The following CNTNAP4 variants were observed in gnomAD, a reference collection of about 807,000 sequenced individuals.
CNTNAP4 encodes the protein contactin associated protein family member 4, also known as contactin-associated protein-like 4.
Under a neutral mutation model 148.4 loss-of-function variants are expected in CNTNAP4, and 98 were observed. That is an observed-to-expected ratio of 0.66 (90% confidence interval 0.56 to 0.78). The LOEUF is 0.78. Among genes scored for constraint, CNTNAP4 ranks in the 30% least tolerant of loss-of-function variants. The probability of loss-of-function intolerance (pLI) is 0.00; values close to 1 mark genes in which losing one functional copy is unlikely to be tolerated. For synonymous variants in CNTNAP4, 730 were observed against 565.1 expected (o/e 1.29, Z -4.14); for missense variants, 1,935 against 1,565.6 (o/e 1.24, Z -3.98).
At chr16:76,277,797 A>G (rs545433344) in intron 1 of CNTNAP4, 50 bp downstream of exon 1, 3 of 1,129,482 alleles carry the variant, frequency 2.7e-6, no homozygotes, top group South Asian at 2.6e-5. Flanking sequence ...TCTCTGCAAA[A>G]CTTTGATTCT....
chr16:76,547,606 AT>A (rs901174283), intron 21 of CNTNAP4, among the ~76,000 whole-genome samples: 5 of 152,332 alleles, frequency 3.3e-5, no homozygotes, highest in African/African-American at 1.2e-4. Context: ...TCCAAAACTC[AT>A]TGTAAATTTC....
intron 2 of CNTNAP4, among the ~76,000 whole-genome samples, chr16:76,336,581 A>G (rs879732640): frequency 2.4e-4 from 37 of 152,372 alleles, no homozygotes; most frequent in Non-Finnish European, 1.0e-4. Flanking sequence ...AAAGACCTGA[A>G]CCAGGTTGCC....
intron 3 of CNTNAP4, among the ~76,000 whole-genome samples, chr16:76,397,025 A>G (rs1157431180): frequency 6.6e-6 from 1 of 152,184 alleles, no homozygotes; most frequent in Non-Finnish European, 1.5e-5. Context: ...AGCAATGGAG[A>G]GGAATTCATA....
intron 13 of CNTNAP4, among the ~76,000 whole-genome samples, chr16:76,492,949 CT>C (rs5817996): frequency 1.4e-3 from 206 of 148,582 alleles, no homozygotes; most frequent in African/African-American, 4.4e-3. Flanking sequence ...TGCTTGCACA[CT>C]TTTTTTTTTT....
intron 1 of CNTNAP4, among the ~76,000 whole-genome samples, chr16:76,312,478 A>G (rs943171297): frequency 1.3e-5 from 2 of 152,172 alleles, no homozygotes; most frequent in Non-Finnish European, 2.9e-5. Flanking sequence ...AATTTAATTT[A>G]TATGTAGAGA....
chr16:76,438,472 A>T (rs1252251289), intron 4 of CNTNAP4, among the ~76,000 whole-genome samples: 2 of 152,100 alleles, frequency 1.3e-5, no homozygotes, highest in South Asian at 4.1e-4. Flanking sequence ...TTAAAAAGGG[A>T]AGAAAGAAAT....
At chr16:76,287,156 C>G (rs909829318) in intron 1 of CNTNAP4, among the ~76,000 whole-genome samples, 9 of 152,226 alleles carry the variant, frequency 5.9e-5, no homozygotes, top group African/African-American at 2.2e-4. Context: ...GAGGAAAGAA[C>G]TAGGGTACAT....
At chr16:76,336,273 T>C (rs1235281172) in intron 2 of CNTNAP4, among the ~76,000 whole-genome samples, 1 of 152,236 alleles carries the variant, frequency 6.6e-6, no homozygotes, top group Non-Finnish European at 1.5e-5. Context: ...TCTAACTGCT[T>C]TGCTTAAGTA....
rs948992750 is a variant in CNTNAP4, at chr16:76,489,799, C to A, written c.1996C>A (p.Leu666Ile). ...CGAGTATGTGGCCAGCATGGAGCAA[C>A]TTCAGGCCACTATTAACCGTGCAGA... ...FFEYVASMEQ[L>I]QATINRAEHC... Residue 666 changes from leucine to isoleucine, a missense_variant, in exon 13 of 24, where the codon CTT (leucine) becomes ATT (isoleucine). Leu to Ile is a conservative substitution (Grantham distance 5, BLOSUM62 2). Transcript: ENST00000611870. 5 of 1,606,786 alleles carry A rather than the reference C, an allele frequency of 3.1e-6. No homozygotes were observed. Among genetic ancestry groups the A allele is most frequent in the Non-Finnish European group, 4.3e-6 (5 of 1,176,418 alleles).
chr16:76,357,229 T>C (rs2012800183), intron 3 of CNTNAP4, among the ~76,000 whole-genome samples: 1 of 152,220 alleles, frequency 6.6e-6, no homozygotes, highest in African/African-American at 2.4e-5. Flanking sequence ...TATCTTCTGC[T>C]CTTTTTTGAA....
intron 15 of CNTNAP4, among the ~76,000 whole-genome samples, chr16:76,516,752 A>G (rs1597026904): frequency 6.6e-6 from 1 of 152,236 alleles, no homozygotes; most frequent in Non-Finnish European, 1.5e-5. Flanking sequence ...ACAGAAAACA[A>G]TATGAGTAAA....
intron 2 of CNTNAP4, among the ~76,000 whole-genome samples, chr16:76,343,521 A>C (rs1295592208): frequency 6.6e-6 from 1 of 152,170 alleles, no homozygotes; most frequent in Non-Finnish European, 1.5e-5. Flanking sequence ...TAGAATAACT[A>C]GTAGCATGTA....
intron 2 of CNTNAP4, among the ~76,000 whole-genome samples, chr16:76,338,424 G>A (rs1237062869): frequency 6.6e-6 from 1 of 152,066 alleles, no homozygotes; most frequent in African/African-American, 2.4e-5. Context: ...TTACTGCTGT[G>A]CTGAAAGATG....
Position 76,436,049 on chromosome 16 carries a change from G to A in CNTNAP4, c.538+8450G>A, listed in dbSNP as rs199882998. Among the ~76,000 whole-genome samples, 14 of 152,158 alleles carry A rather than the reference G, an allele frequency of 9.2e-5. No individual in the cohort carries two copies. In the South Asian group the frequency reaches 2.1e-3, roughly 23 times the overall value. On this transcript the variant is annotated intron_variant, in intron 4 of 23. Coordinates refer to ENST00000611870, the MANE Select transcript of CNTNAP4 (RefSeq NM_033401.5). ...CTCTGAATGTCACCTCTAGGGGCCC[G>A]CCAGGACTTTAGTCTAGTTATAGGT...
chr16:76,353,072 C>T (rs142977580), intron 2 of CNTNAP4, among the ~76,000 whole-genome samples: 1 of 152,108 alleles, frequency 6.6e-6, no homozygotes, highest in Admixed American at 6.6e-5. Context: ...ATCACAGGTT[C>T]TTTAAGAACA....
At chr16:76,443,669 A>G (rs144084107) in intron 4 of CNTNAP4, among the ~76,000 whole-genome samples, 2 of 152,304 alleles carry the variant, frequency 1.3e-5, no homozygotes, top group African/African-American at 4.8e-5. Context: ...TATTAATTTT[A>G]TTTTGGATGC....
At chr16:76,331,277 TC>T (rs983880098) in intron 2 of CNTNAP4, among the ~76,000 whole-genome samples, 5 of 152,024 alleles carry the variant, frequency 3.3e-5, no homozygotes, top group African/African-American at 1.2e-4. Context: ...AAGCTCCGCC[TC>T]CCGGGTTCAC....
chr16:76,426,926 C>T (rs1171899733), intron 3 of CNTNAP4, among the ~76,000 whole-genome samples: 1 of 152,158 alleles, frequency 6.6e-6, no homozygotes, highest in African/African-American at 2.4e-5. Flanking sequence ...GGTTTAACAA[C>T]CTGTTAGCTG....
At chr16:76,343,578 G>A (rs1190154896) in intron 2 of CNTNAP4, among the ~76,000 whole-genome samples, 1 of 152,030 alleles carries the variant, frequency 6.6e-6, no homozygotes, top group Admixed American at 6.6e-5. Flanking sequence ...CAACAACAAG[G>A]ATAATTACAC....
Sources: gnomAD v4.1 joint callset for allele counts (sites outside exome capture counted in the v4.1 genomes callset) on GRCh38, gnomAD v4.1.1 for gene constraint, MANE v1.5 for transcripts, NCBI Gene and HGNC (gene_info 2026-07-23, HGNC 2026-07-21) for gene names.